Variants in ENPEP observed in about 807,000 individuals in gnomAD.
ENPEP encodes the protein AP-A.
In ENPEP, 103 loss-of-function variants were observed where a neutral mutation model predicts 114.5. The observed-to-expected ratio is 0.90, with a 90% CI of 0.77 to 1.06. The LOEUF (loss-of-function observed/expected upper bound fraction) is 1.06. Ranked by LOEUF, ENPEP falls within the 50% of genes least tolerant of loss-of-function variation. ENPEP has a pLI of 0.00. For missense variants in ENPEP, 1,196 were observed against 1,161.3 expected (o/e 1.03, Z -0.43); for synonymous variants, 420 against 422.0 (o/e 1.00, Z 0.06).
chr4:110,559,575 A>G, intron 18 of ENPEP, 72 bp from the exon 19 acceptor site: 1 of 1,064,564 alleles, frequency 9.4e-7, no homozygotes, highest in Non-Finnish European at 1.4e-6. Flanking sequence ...TAAAAAGGAA[A>G]CATCTGCATT....
intron 11 of ENPEP, among the ~76,000 whole-genome samples, chr4:110,537,488 G>A (rs1391505439): frequency 6.6e-6 from 1 of 152,118 alleles, no homozygotes; most frequent in African/African-American, 2.4e-5. Flanking sequence ...TACATCTTCA[G>A]GGTTCACTTC....
chr4:110,538,802 A>T (rs1054535723), intron 11 of ENPEP, among the ~76,000 whole-genome samples: 1 of 152,124 alleles, frequency 6.6e-6, no homozygotes, highest in African/African-American at 2.4e-5. Flanking sequence ...TTGAAGAATG[A>T]TTGATTGGGC....
At chr4:110,546,655 C>T (rs1727080897) in intron 13 of ENPEP, among the ~76,000 whole-genome samples, 1 of 152,044 alleles carries the variant, frequency 6.6e-6, no homozygotes. Flanking sequence ...AAGCCAAAAT[C>T]ATGGACCTTA....
chr4:110,482,126 G>T (rs1262649263), intron 1 of ENPEP, among the ~76,000 whole-genome samples: 2 of 152,176 alleles, frequency 1.3e-5, no homozygotes, highest in African/African-American at 2.4e-5. Context: ...GATGGCAAAA[G>T]AAAGAGTTAA....
At chr4:110,541,353 G>A (rs746753843) in intron 11 of ENPEP, among the ~76,000 whole-genome samples, 4 of 152,036 alleles carry the variant, frequency 2.6e-5, no homozygotes, top group Admixed American at 6.6e-5. Context: ...TCTACTGGCA[G>A]CACCATTATT....
chr4:110,483,231 G>T (rs775784060), intron 1 of ENPEP, among the ~76,000 whole-genome samples: 1 of 152,048 alleles, frequency 6.6e-6, no homozygotes, highest in Admixed American at 6.6e-5. Flanking sequence ...ATCTAGAGGG[G>T]TTGTTTTTCA....
intron 11 of ENPEP, among the ~76,000 whole-genome samples, chr4:110,540,585 C>T (rs1726812888): frequency 6.6e-6 from 1 of 152,132 alleles, no homozygotes; most frequent in Admixed American, 6.6e-5. Flanking sequence ...AAGTCCTTAA[C>T]TACTGACTTC....
Position 110,509,712 on chromosome 4 carries a change from T to C in ENPEP, c.1099T>C (p.Tyr367His), listed in dbSNP as rs1160531203. 2 of 1,614,206 alleles carry C rather than the reference T, an allele frequency of 1.2e-6. No homozygotes were observed. Among genetic ancestry groups the C allele is most frequent in the Admixed American group, 1.7e-5 (1 of 60,018 alleles). Reference sequence around the variant, plus strand: ...CATGGAGAACTGGGGACTCATCACGTACAGAGAAACGAACCTGCTTTATGA... The same window carrying C: ...CATGGAGAACTGGGGACTCATCACGCACAGAGAAACGAACCTGCTTTATGA... ...GAMENWGLIT[Y>H]RETNLLYDPK... Residue 367 changes from tyrosine (Y) to histidine (H), a missense_variant, in exon 5 of 20, where the codon TAC becomes CAC. By Grantham distance (83) the Tyr-to-His change is moderately conservative (BLOSUM62 2). Coordinates refer to ENST00000265162, the MANE Select transcript of ENPEP (RefSeq NM_001977.4).
chr4:110,534,701 G>A (rs1424679707), intron 11 of ENPEP, among the ~76,000 whole-genome samples: 1 of 151,240 alleles, frequency 6.6e-6, no homozygotes, highest in Non-Finnish European at 1.5e-5. Flanking sequence ...TAAGGATGGG[G>A]TTTCACAATG....
chr4:110,520,480 C>T, intron 10 of ENPEP, 114 bp downstream of exon 10: 2 of 1,122,324 alleles, frequency 1.8e-6, no homozygotes, highest in Non-Finnish European at 2.6e-6. Flanking sequence ...AGTATAAAGC[C>T]ACAGTGCCTT....
intron 6 of ENPEP, chr4:110,512,824 TA>T (rs754317190): frequency 6.6e-5 from 10 of 152,234 alleles, no homozygotes; most frequent in Non-Finnish European, 1.3e-4. Context: ...ATCTAGAAAG[TA>T]AAAAGACTGA....
chr4:110,480,025 C>G (rs1724252983), intron 1 of ENPEP, among the ~76,000 whole-genome samples: 1 of 152,182 alleles, frequency 6.6e-6, no homozygotes, highest in African/African-American at 2.4e-5. Context: ...GAGAGCTGCC[C>G]TTCTGAAGCT....
chr4:110,521,507 T>C (rs1725988727), intron 10 of ENPEP, among the ~76,000 whole-genome samples: 3 of 152,162 alleles, frequency 2.0e-5, no homozygotes, highest in Admixed American at 2.0e-4. Context: ...TTCTTAAATA[T>C]GAATGACAAA....
chr4:110,489,352 T>TG (rs1724616415), intron 2 of ENPEP, among the ~76,000 whole-genome samples: 1 of 151,982 alleles, frequency 6.6e-6, no homozygotes, highest in Non-Finnish European at 1.5e-5. Flanking sequence ...AAGTGGAAAT[T>TG]GAACAACAAG....
rs1727768555 is a variant in ENPEP, at chr4:110,564,491, A to T, written c.*2933A>T. 1 of 152,214 alleles carries T rather than the reference A, an allele frequency of 6.6e-6. No individual in the cohort carries two copies. Among genetic ancestry groups the T allele is most frequent in the South Asian group, 2.1e-4 (1 of 4,834 alleles). 9.4% of individuals were successfully genotyped at this position (152,214 alleles called of 1,614,324 possible). On this transcript the variant is annotated 3_prime_UTR_variant, in exon 20 of 20. Transcript: ENST00000265162. ...TTAAATACAAAAATGCATGTAAAGG[A>T]CATACGTATAGGAAATAACAATCAC...
rs183961946 is a variant in ENPEP at position 110,532,394 on chromosome 4, C to T, written c.1807+1117C>T. The stretch of plus-strand genomic sequence containing the variant: ...TTTTGTGACTTTTCAATTAGCATAA[C>T]GATTTCAAGGCTCATCCATGATATA... On this transcript the variant is annotated intron_variant, in intron 11 of 19. Coordinates refer to ENST00000265162, the MANE Select transcript of ENPEP (RefSeq NM_001977.4). Among the ~76,000 whole-genome samples the T allele has an allele frequency of 1.2e-3, 188 of 152,232 alleles. 1 individual carries two copies. Among genetic ancestry groups the T allele is most frequent in the African/African-American group, 3.4e-3 (142 of 41,556 alleles).
chr4:110,496,604 G>T (rs964538237), intron 3 of ENPEP, among the ~76,000 whole-genome samples: 1 of 152,110 alleles, frequency 6.6e-6, no homozygotes, highest in Non-Finnish European at 1.5e-5. Context: ...ACTTAGCAAT[G>T]CTGTCTCCTT....
At chr4:110,518,412 A>G (rs1725860164) in intron 8 of ENPEP, among the ~76,000 whole-genome samples, 1 of 152,184 alleles carries the variant, frequency 6.6e-6, no homozygotes, top group African/African-American at 2.4e-5. Flanking sequence ...GTGCTCACTG[A>G]TTCCAACTAA....
rs1347958360 is a variant in ENPEP, at chr4:110,563,452, T to G, written c.*1894T>G. The G allele has an allele frequency of 6.6e-6, 1 of 152,166 alleles. No individual in the cohort carries two copies. The highest frequency in any genetic ancestry group is 6.5e-5 in the Admixed American group (1 of 15,280). 9.4% of individuals were successfully genotyped at this position (152,166 alleles called of 1,614,324 possible). A position where few individuals can be genotyped will look rare whatever the true frequency, so the allele number is the denominator to read the frequency against. ...ACTCCACACGCGAAAGAGTTGTATG[T>G]ACTTTGTCAGAATAAGTCTTCTAGA... On this transcript the variant is annotated 3_prime_UTR_variant, in exon 20 of 20. Coordinates refer to ENST00000265162, the MANE Select transcript of ENPEP (RefSeq NM_001977.4).
Sources: gnomAD v4.1 joint callset for allele counts (sites outside exome capture counted in the v4.1 genomes callset) on GRCh38, gnomAD v4.1.1 for gene constraint, MANE v1.5 for transcripts, NCBI Gene and HGNC (gene_info 2026-07-23, HGNC 2026-07-21) for gene names.